The following ADRA1D variants were observed in gnomAD, a reference collection of about 807,000 sequenced individuals.
The protein encoded by ADRA1D is alpha-1D adrenergic receptor.
ADRA1D carries 22 observed loss-of-function variants against 18.6 expected under a neutral mutation model. The ratio of observed to expected loss-of-function variants is 1.19; its 90% CI spans 0.85 to 1.69. ADRA1D has a LOEUF of 1.69. ADRA1D is among the 40% of genes most tolerant of loss of function. The pLI is 0.00. For missense variants in ADRA1D, 840 were observed against 840.7 expected, an observed-to-expected ratio of 1.00 and a Z score of 0.01; for synonymous variants, 376 against 388.2, an observed-to-expected ratio of 0.97 and a Z score of 0.37.
chr20:4,221,463 G>A lies in ADRA1D; in HGVS notation c.*60C>T. The A allele has an allele frequency of 6.6e-7, 1 of 1,519,612 alleles. No individual in the cohort carries two copies. Among genetic ancestry groups the A allele is most frequent in the Non-Finnish European group, 8.9e-7 (1 of 1,126,482 alleles). 94.1% of individuals were successfully genotyped at this position (1,519,612 alleles called of 1,614,324 possible). ...ACGGGGGCTCTTAGAACACCAGCCC[G>A]CCTCTCTGGTCCCCCTTACCCCCAA... On this transcript the variant is annotated 3_prime_UTR_variant, in exon 2 of 2. Transcript: ENST00000379453.
chr20:4,231,673 T>A (rs889557073), intron 1 of ADRA1D, among the ~76,000 whole-genome samples: 1 of 152,166 alleles, frequency 6.6e-6, no homozygotes, highest in Non-Finnish European at 1.5e-5. Context: ...CCTCATGGCA[T>A]CCCGCTTTGC....
At chr20:4,229,724 G>A (rs1006465784) in intron 1 of ADRA1D, among the ~76,000 whole-genome samples, 4 of 151,804 alleles carry the variant, frequency 2.6e-5, no homozygotes, top group Admixed American at 2.0e-4. Context: ...CCCTCAATGC[G>A]CCCTCCCACC....
At chr20:4,227,712 TTCC>T (rs1980846441) in intron 1 of ADRA1D, among the ~76,000 whole-genome samples, 1 of 64,194 alleles carries the variant, frequency 1.6e-5, no homozygotes, top group African/African-American at 5.4e-5. Context: ...CCCTCCTTCC[TTCC>T]TTCCTTCCTT....
rs1181041955 is a variant in ADRA1D at position 4,249,248 on chromosome 20, G to C, written c.-291C>G. On this transcript the variant is annotated 5_prime_UTR_variant, in exon 1 of 2. Coordinates refer to ENST00000379453, the MANE Select transcript of ADRA1D (RefSeq NM_000678.4). ...GGCAAGCGGGCAAAGCGGCGGCTCCGGGGCCGGGCGGTGCAGGCAGCGGCC... is the reference window on the plus strand; with the variant it reads ...GGCAAGCGGGCAAAGCGGCGGCTCCCGGGCCGGGCGGTGCAGGCAGCGGCC... Among the ~76,000 whole-genome samples the C allele has an allele frequency of 6.6e-6, 1 of 151,944 alleles. No homozygotes were observed. The highest frequency in any genetic ancestry group is 2.4e-5 in the African/African-American group (1 of 41,400).
intron 1 of ADRA1D, among the ~76,000 whole-genome samples, chr20:4,230,525 GCAGCCCCTGA>G (rs1980928161): frequency 6.6e-6 from 1 of 152,216 alleles, no homozygotes; most frequent in South Asian, 2.1e-4. Context: ...GGTGGCGGCA[GCAGCCCCTGA>G]CAGCCCCTGG....
intron 1 of ADRA1D, among the ~76,000 whole-genome samples, chr20:4,224,868 C>G (rs1260603884): frequency 6.6e-6 from 1 of 152,034 alleles, no homozygotes; most frequent in East Asian, 1.9e-4. Flanking sequence ...CTCCTCCCAC[C>G]ATACAGAGAC....
chr20:4,226,639 G>A (rs1467816687), intron 1 of ADRA1D, among the ~76,000 whole-genome samples: 1 of 152,174 alleles, frequency 6.6e-6, no homozygotes, highest in Non-Finnish European at 1.5e-5. Flanking sequence ...TGCCACATGA[G>A]TGTGCAGAGA....
At position 4,220,814 on chromosome 20, in the gene ADRA1D, G is replaced by A. The variant is rs1980640822; in HGVS notation, c.*709C>T. 6.6e-6 allele frequency: 1 copy of A among 152,574 alleles called. No individual in the cohort carries two copies. Among genetic ancestry groups the A allele is most frequent in the South Asian group, 2.1e-4 (1 of 4,824 alleles). The allele number at this position is 152,574 out of a possible 1,614,324, so 9.5% of individuals were successfully genotyped here. A position where few individuals can be genotyped will look rare whatever the true frequency, so the allele number is the denominator to read the frequency against. On this transcript the variant is annotated 3_prime_UTR_variant, in exon 2 of 2. Transcript: ENST00000379453. Reference sequence around the variant, plus strand: ...TGACAAATAAAGCTCTCCAATTGGTGGCTTGGAATCCCAGCAAGAAGTGAT... The same window carrying A: ...TGACAAATAAAGCTCTCCAATTGGTAGCTTGGAATCCCAGCAAGAAGTGAT...
At chr20:4,246,746 T>C (rs1206206017) in intron 1 of ADRA1D, among the ~76,000 whole-genome samples, 2 of 152,174 alleles carry the variant, frequency 1.3e-5, no homozygotes, top group African/African-American at 2.4e-5. Flanking sequence ...GATAGAGAGT[T>C]TGGATTTTGT....
Position 4,227,706 on chromosome 20 carries a change from CCTT to C in ADRA1D, c.1112-5579_1112-5577del, listed in dbSNP as rs1394499817. Among the ~76,000 whole-genome samples, 271 of 35,942 alleles carry C rather than the reference CCTT, an allele frequency of 7.5e-3. 1 individual carries two copies. Among genetic ancestry groups the C allele is most frequent in the Middle Eastern group, 0.013 (1 of 76 alleles). 23.6% of individuals were successfully genotyped at this position (35,942 alleles called of 152,430 possible). A position where few individuals can be genotyped will look rare whatever the true frequency, so the allele number is the denominator to read the frequency against. On this transcript the variant is annotated intron_variant, in intron 1 of 1. Transcript: ENST00000379453. ...TCCCTCTCTCCCTCCCTCCCTCCCT[CCTT>C]CCTTCCTTCCTTCCTTCCTTCCTTC...
chr20:4,228,319 T>C (rs1169249132), intron 1 of ADRA1D, among the ~76,000 whole-genome samples: 1 of 152,194 alleles, frequency 6.6e-6, no homozygotes, highest in African/African-American at 2.4e-5. Context: ...TCTAGGCTCC[T>C]GTCCTCTGCC....
intron 1 of ADRA1D, among the ~76,000 whole-genome samples, chr20:4,242,416 G>A (rs1012410468): frequency 1.3e-5 from 2 of 152,178 alleles, no homozygotes; most frequent in Non-Finnish European, 2.9e-5. Flanking sequence ...CTGTGCCTAC[G>A]TGTGTGTAGT....
intron 1 of ADRA1D, among the ~76,000 whole-genome samples, chr20:4,244,190 G>A (rs901534544): frequency 4.6e-5 from 7 of 152,210 alleles, no homozygotes; most frequent in African/African-American, 1.7e-4. Flanking sequence ...GTGCGGAAGT[G>A]TGAGTGAGGG....
chr20:4,241,079 AACCCACAACAAGTAAAGAGAGTTG>A (rs1981200813), intron 1 of ADRA1D, among the ~76,000 whole-genome samples: 1 of 152,192 alleles, frequency 6.6e-6, no homozygotes, highest in Non-Finnish European at 1.5e-5. Flanking sequence ...ACTCACCCCC[AACCCACAACAAGTAAAGAGAGTTG>A]ACTTTAAATA....
intron 1 of ADRA1D, among the ~76,000 whole-genome samples, chr20:4,230,691 G>A (rs2122661803): frequency 6.6e-6 from 1 of 152,328 alleles, no homozygotes; most frequent in African/African-American, 2.4e-5. Flanking sequence ...TCGAAACATG[G>A]TGCTGCTCAC....
chr20:4,226,243 G>C (rs1032134400), intron 1 of ADRA1D, among the ~76,000 whole-genome samples: 2 of 152,238 alleles, frequency 1.3e-5, no homozygotes, highest in Non-Finnish European at 2.9e-5. Context: ...GAGCTGGGAA[G>C]TCCTTACACG....
Position 4,248,030 on chromosome 20 carries a change from C to G in ADRA1D, c.928G>C (p.Gly310Arg), listed in dbSNP as rs761298482. Residue 310 changes from glycine (G) to arginine (R), a missense_variant, in exon 1 of 2, where the codon GGC becomes CGC. Gly to Arg is a moderately radical substitution (Grantham distance 125, BLOSUM62 -2). Coordinates refer to ENST00000379453, the MANE Select transcript of ADRA1D (RefSeq NM_000678.4). ...SEVVLRIHCR[G>R]AATGADGAHG... ...GCCCCGTCGGCGCCCGTGGCCGCGC[C>G]GCGACAGTGGATGCGCAGCACCACC... 2 of 1,553,050 alleles carry G rather than the reference C, an allele frequency of 1.3e-6. No homozygotes were observed. The highest frequency in any genetic ancestry group is 1.2e-5 in the South Asian group (1 of 84,642).
At chr20:4,235,282 G>C (rs1303609641) in intron 1 of ADRA1D, among the ~76,000 whole-genome samples, 3 of 152,182 alleles carry the variant, frequency 2.0e-5, no homozygotes, top group African/African-American at 7.2e-5. Flanking sequence ...GCAGCTCCTA[G>C]AGCAACGGAG....
chr20:4,232,708 C>T (rs984158864), intron 1 of ADRA1D, among the ~76,000 whole-genome samples: 4 of 152,234 alleles, frequency 2.6e-5, no homozygotes, highest in African/African-American at 9.6e-5. Flanking sequence ...GCTGTGTTGG[C>T]AGTCAGAGGC....
Sources: gnomAD v4.1 joint callset for allele counts (sites outside exome capture counted in the v4.1 genomes callset) on GRCh38, gnomAD v4.1.1 for gene constraint, MANE v1.5 for transcripts, NCBI Gene and HGNC (gene_info 2026-07-23, HGNC 2026-07-21) for gene names.